Variants in RCL1 observed in about 807,000 individuals in gnomAD.
RCL1 encodes the protein RNA 3'-terminal phosphate cyclase-like protein.
RCL1 carries 24 observed loss-of-function variants against 42.4 expected under a neutral mutation model. The ratio of observed to expected loss-of-function variants is 0.57; its 90% CI spans 0.41 to 0.80. RCL1 has a LOEUF of 0.80. RCL1 is among the 30% of genes least tolerant of loss of function. RCL1 has a pLI of 0.00. For synonymous variants in RCL1, 228 were observed against 177.3 expected, an observed-to-expected ratio of 1.29 and a Z score of -2.27; for missense variants, 578 against 467.9, an observed-to-expected ratio of 1.24 and a Z score of -2.17.
At chr9:4,818,244 A>G (rs1465618096) in intron 1 of RCL1, among the ~76,000 whole-genome samples, 1 of 151,970 alleles carries the variant, frequency 6.6e-6, no homozygotes, top group African/African-American at 2.4e-5. Flanking sequence ...TTTTAAAGTG[A>G]TAAATTTTTC....
intron 5 of RCL1, among the ~76,000 whole-genome samples, chr9:4,834,560 G>T (rs1321992277): frequency 6.6e-6 from 1 of 151,534 alleles, no homozygotes; most frequent in Non-Finnish European, 1.5e-5. Context: ...TTTGGTTTGG[G>T]GGCCATGAAT....
intron 2 of RCL1, among the ~76,000 whole-genome samples, chr9:4,825,467 T>C (rs1488267648): frequency 6.6e-6 from 1 of 152,192 alleles, no homozygotes. Context: ...ATTTGAGAAG[T>C]GTTCATTACT....
At chr9:4,827,213 C>G in intron 3 of RCL1, 180 bp downstream of exon 3, 1 of 1,527,594 alleles carries the variant, frequency 6.5e-7, no homozygotes, top group Non-Finnish European at 8.8e-7. Context: ...AACTTAGGAT[C>G]ATCAAATTCA....
At chr9:4,832,308 G>A (rs910693823) in intron 3 of RCL1, among the ~76,000 whole-genome samples, 26 of 152,010 alleles carry the variant, frequency 1.7e-4, no homozygotes, top group Admixed American at 5.9e-4. Flanking sequence ...TCATCACCCC[G>A]ACTCCCCAAC....
chr9:4,797,522 G>C (rs983646401), intron 1 of RCL1, among the ~76,000 whole-genome samples: 1 of 152,092 alleles, frequency 6.6e-6, no homozygotes, highest in Admixed American at 6.5e-5. Flanking sequence ...GACATTTTTG[G>C]TTGTCACAGC....
intron 1 of RCL1, among the ~76,000 whole-genome samples, chr9:4,806,046 T>TTTGTG (rs1563830212): frequency 1.4e-5 from 1 of 71,270 alleles, no homozygotes; most frequent in Non-Finnish European, 3.4e-5. Context: ...GTGTGTGTGT[T>TTTGTG]TGTGTGTGTG....
chr9:4,851,883 C>CTATTTT (rs1374859963), intron 8 of RCL1, among the ~76,000 whole-genome samples: 3 of 29,722 alleles, frequency 1.0e-4, no homozygotes, highest in Admixed American at 3.9e-4. Context: ...ATGTGTGAAA[C>CTATTTT]TCTTTTTTTT....
chr9:4,793,579 C>A lies in RCL1; in HGVS notation c.136+352C>A, dbSNP rs549934696. ...CCATAAACCTCTCAAAGGAGAAAAA[C>A]AGTTTGTTGGACCGAAATATGGTGA... On this transcript the variant is annotated intron_variant, in intron 1 of 8. Coordinates refer to ENST00000381750, the MANE Select transcript of RCL1 (RefSeq NM_005772.5). Among the ~76,000 whole-genome samples, 3 of 152,322 alleles carry A rather than the reference C, an allele frequency of 2.0e-5. No individual in the cohort carries two copies. In the East Asian group the frequency reaches 5.8e-4, roughly 29 times the overall value.
At chr9:4,825,468 G>A (rs1282701537) in intron 2 of RCL1, among the ~76,000 whole-genome samples, 2 of 152,116 alleles carry the variant, frequency 1.3e-5, no homozygotes, top group African/African-American at 4.8e-5. Flanking sequence ...TTTGAGAAGT[G>A]TTCATTACTT....
intron 8 of RCL1, among the ~76,000 whole-genome samples, chr9:4,858,055 C>G (rs971862558): frequency 6.1e-4 from 89 of 145,106 alleles, no homozygotes; most frequent in African/African-American, 2.2e-3. Context: ...AATTTTAAAA[C>G]AATTTTTTTG....
chr9:4,822,423 G>A (rs1027964121), intron 1 of RCL1, among the ~76,000 whole-genome samples: 1 of 152,142 alleles, frequency 6.6e-6, no homozygotes, highest in East Asian at 1.9e-4. Flanking sequence ...AAGGAAGACT[G>A]GAGGAGTCTT....
At chr9:4,842,444 G>A (rs948460085) in intron 6 of RCL1, among the ~76,000 whole-genome samples, 1 of 152,234 alleles carries the variant, frequency 6.6e-6, no homozygotes, top group Non-Finnish European at 1.5e-5. Flanking sequence ...GAGGCTCATA[G>A]TCCAAAGCAA....
At chr9:4,841,941 C>T (rs1473610422) in intron 6 of RCL1, among the ~76,000 whole-genome samples, 1 of 152,120 alleles carries the variant, frequency 6.6e-6, no homozygotes, top group East Asian at 1.9e-4. Context: ...TTAGGCTTTG[C>T]TTGTGTATTT....
chr9:4,802,316 C>T (rs111246073), intron 1 of RCL1, among the ~76,000 whole-genome samples: 1 of 151,996 alleles, frequency 6.6e-6, no homozygotes, highest in East Asian at 1.9e-4. Context: ...TTTTCAAAAT[C>T]ATTTTAGTTA....
intron 2 of RCL1, among the ~76,000 whole-genome samples, chr9:4,826,168 G>T (rs939185973): frequency 2.0e-5 from 3 of 152,114 alleles, no homozygotes; most frequent in African/African-American, 7.2e-5. Context: ...GGATTGCTTG[G>T]CTCTGGAGGT....
intron 1 of RCL1, among the ~76,000 whole-genome samples, chr9:4,811,691 G>T (rs145718581): frequency 2.9e-3 from 442 of 152,230 alleles, no homozygotes; most frequent in African/African-American, 9.5e-3. Flanking sequence ...CATTGACATT[G>T]ATTTCTTTCC....
chr9:4,824,890 C>G (rs1260380057), intron 2 of RCL1, among the ~76,000 whole-genome samples: 2 of 152,122 alleles, frequency 1.3e-5, no homozygotes, highest in Non-Finnish European at 2.9e-5. Flanking sequence ...CATTGGTGAT[C>G]CAGAAGACGG....
At chr9:4,810,762 C>G (rs909513259) in intron 1 of RCL1, among the ~76,000 whole-genome samples, 6 of 152,128 alleles carry the variant, frequency 3.9e-5, no homozygotes, top group African/African-American at 1.4e-4. Context: ...TCTAGTTACT[C>G]CACATCCTAT....
chr9:4,844,759 CG>C (rs1817455037), intron 7 of RCL1, 78 bp downstream of exon 7: 2 of 1,460,068 alleles, frequency 1.4e-6, no homozygotes, highest in Admixed American at 3.7e-5. Context: ...TGGCAGCTTT[CG>C]TCCTCTTCCA....
Sources: gnomAD v4.1 joint callset for allele counts (sites outside exome capture counted in the v4.1 genomes callset) on GRCh38, gnomAD v4.1.1 for gene constraint, MANE v1.5 for transcripts, NCBI Gene and HGNC (gene_info 2026-07-23, HGNC 2026-07-21) for gene names.